RBFOX1: variants seen among roughly 807,000 people sequenced by gnomAD.
RBFOX1 encodes RNA binding protein fox-1 homolog 1.
Under a neutral mutation model 57.7 loss-of-function variants are expected in RBFOX1, and 8 were observed. The ratio of observed to expected loss-of-function variants is 0.14; its 90% confidence interval spans 0.08 to 0.25. RBFOX1 has a LOEUF of 0.25. Ranked by LOEUF, RBFOX1 falls within the 10% of genes least tolerant of loss-of-function variation. The pLI is 1.00. For missense variants in RBFOX1, 611 were observed against 548.5 expected, an observed-to-expected ratio of 1.11 and a Z score of -1.14; for synonymous variants, 326 against 222.4, an observed-to-expected ratio of 1.47 and a Z score of -4.15.
chr16:6,427,229 C>T (rs1185399938), intron 2 of RBFOX1, among the ~76,000 whole-genome samples: 2 of 152,202 alleles, frequency 1.3e-5, no homozygotes, highest in Non-Finnish European at 2.9e-5. Flanking sequence ...ATGGAATGTG[C>T]TTCTGCCCTC....
At chr16:7,524,356 A>AT (rs1449210800) in intron 5 of RBFOX1, among the ~76,000 whole-genome samples, 1 of 152,194 alleles carries the variant, frequency 6.6e-6, no homozygotes, top group African/African-American at 2.4e-5. Context: ...ACAGGCTGAG[A>AT]TGAGTCCCTG....
At chr16:6,991,996 C>G (rs148548337) in intron 3 of RBFOX1, among the ~76,000 whole-genome samples, 1 of 152,160 alleles carries the variant, frequency 6.6e-6, no homozygotes, top group African/African-American at 2.4e-5. Context: ...GTTTCAGAAG[C>G]TGGTGCTATG....
intron 3 of RBFOX1, among the ~76,000 whole-genome samples, chr16:5,745,824 G>T (rs1035254445): frequency 1.3e-5 from 2 of 152,140 alleles, no homozygotes; most frequent in Non-Finnish European, 2.9e-5. Flanking sequence ...GTTCATTGTA[G>T]ATTCTGGATA....
chr16:6,085,020 T>C (rs2096064056), intron 1 of RBFOX1, among the ~76,000 whole-genome samples: 1 of 152,202 alleles, frequency 6.6e-6, no homozygotes, highest in African/African-American at 2.4e-5. Context: ...CTTGTGAGAA[T>C]TCACTTCTGT....
At chr16:6,724,613 GT>G (rs1257050289) in intron 3 of RBFOX1, among the ~76,000 whole-genome samples, 1 of 152,134 alleles carries the variant, frequency 6.6e-6, no homozygotes, top group Non-Finnish European at 1.5e-5. Context: ...ATAAATTTCT[GT>G]TATTTAGAAG....
chr16:7,613,664 A>G (rs2057949164), intron 10 of RBFOX1, among the ~76,000 whole-genome samples: 1 of 152,156 alleles, frequency 6.6e-6, no homozygotes, highest in African/African-American at 2.4e-5. Flanking sequence ...AGAGTGAACC[A>G]TGATTCATCT....
At chr16:5,418,058 G>A (rs1379661242) in intron 1 of RBFOX1, among the ~76,000 whole-genome samples, 6 of 144,602 alleles carry the variant, frequency 4.1e-5, no homozygotes, top group African/African-American at 1.6e-4. Context: ...TCCAGCCTGG[G>A]CAACAAGAGC....
intron 4 of RBFOX1, among the ~76,000 whole-genome samples, chr16:7,203,146 T>C (rs779571664): frequency 2.6e-5 from 4 of 152,212 alleles, no homozygotes; most frequent in Non-Finnish European, 5.9e-5. Context: ...TACAAGTGTT[T>C]ATCAATGATG....
chr16:7,579,898 C>A lies in RBFOX1; in HGVS notation c.392C>A (p.Pro131Gln). Reference protein sequence around the residue: ...VSNIPFRFRDPDLRQMFGQFG... With the variant: ...VSNIPFRFRDQDLRQMFGQFG... ...AATATCCCCTTCAGGTTCCGGGATC[C>A]GGACCTCAGACAAATGTTTGGTGTA... The change falls in exon 6 of 16, where the codon CCG (proline) becomes CAG (glutamine). Residue 131 changes from proline to glutamine, a missense_variant. Transcript: ENST00000550418. 6.2e-7 allele frequency: 1 copy of A among 1,614,064 alleles called. No homozygotes were observed. Among genetic ancestry groups the A allele is most frequent in the Non-Finnish European group, 8.5e-7 (1 of 1,179,980 alleles).
At chr16:5,330,935 A>G (rs901359621) in intron 1 of RBFOX1, among the ~76,000 whole-genome samples, 9 of 152,060 alleles carry the variant, frequency 5.9e-5, no homozygotes, top group Admixed American at 1.3e-4. Flanking sequence ...TTCTCAGAAC[A>G]GGGATATTCT....
At chr16:7,642,072 G>A (rs934195681) in intron 11 of RBFOX1, among the ~76,000 whole-genome samples, 17 of 152,128 alleles carry the variant, frequency 1.1e-4, no homozygotes, top group African/African-American at 3.1e-4. Context: ...CCATGACCAC[G>A]CCACTGCACT....
chr16:5,427,562 G>A (rs977804835), intron 1 of RBFOX1, among the ~76,000 whole-genome samples: 7 of 151,742 alleles, frequency 4.6e-5, no homozygotes, highest in African/African-American at 1.2e-4. Flanking sequence ...TCCAGCCTGG[G>A]CAACAGAGTG....
intron 1 of RBFOX1, among the ~76,000 whole-genome samples, chr16:6,114,027 C>T (rs1050008984): frequency 1.1e-4 from 15 of 140,830 alleles, no homozygotes; most frequent in Non-Finnish European, 1.5e-5. Flanking sequence ...ACTACTGCCA[C>T]CTGGGGAGAA....
chr16:6,771,205 A>G (rs1211163327), intron 3 of RBFOX1, among the ~76,000 whole-genome samples: 1 of 152,204 alleles, frequency 6.6e-6, no homozygotes, highest in Non-Finnish European at 1.5e-5. Flanking sequence ...AGAAACCAAC[A>G]CTGCAAACAC....
In RBFOX1 at chr16:7,362,768, G is replaced by A. The variant is rs557350913; in HGVS notation, c.28-155379G>A. Among the ~76,000 whole-genome samples the A allele has an allele frequency of 5.3e-5, 8 of 152,256 alleles. No individual in the cohort carries two copies. In the East Asian group the frequency reaches 1.5e-3, roughly 29 times the overall value. On this transcript the variant is annotated intron_variant, in intron 4 of 15. Coordinates refer to ENST00000550418, the MANE Select transcript of RBFOX1 (RefSeq NM_018723.4). ...TGGGTGTATGTTAGTGTATGTTTCT[G>A]TGCGTATATGTGTGTGTGTGCATTT...
intron 1 of RBFOX1, among the ~76,000 whole-genome samples, chr16:5,418,456 A>T (rs112293700): frequency 2.0e-5 from 3 of 152,168 alleles, no homozygotes; most frequent in African/African-American, 4.8e-5. Context: ...GAATTACGCC[A>T]GGAAAGACCA....
At chr16:5,649,595 C>G (rs1278071627) in intron 3 of RBFOX1, among the ~76,000 whole-genome samples, 1 of 152,252 alleles carries the variant, frequency 6.6e-6, no homozygotes, top group Non-Finnish European at 1.5e-5. Context: ...GTCTCCCTCT[C>G]TCATTTCCCT....
chr16:7,367,504 C>T (rs1249266234), intron 4 of RBFOX1, among the ~76,000 whole-genome samples: 2 of 152,102 alleles, frequency 1.3e-5, no homozygotes, highest in African/African-American at 2.4e-5. Context: ...GAGAAGTGAC[C>T]CTCTGCCTAT....
At chr16:7,674,829 C>T (rs1406307554) in intron 13 of RBFOX1, among the ~76,000 whole-genome samples, 1 of 152,192 alleles carries the variant, frequency 6.6e-6, no homozygotes, top group South Asian at 2.1e-4. Flanking sequence ...ATTTATCGGA[C>T]TCGCTGCCTT....
Sources: allele counts gnomAD v4.1 joint callset (sites outside exome capture counted in the v4.1 genomes callset), GRCh38; gene constraint gnomAD v4.1.1; transcripts MANE v1.5; gene names NCBI Gene and HGNC (gene_info 2026-07-23, HGNC 2026-07-21).